Variants in CEP112 observed in about 807,000 individuals in gnomAD.
The protein encoded by CEP112 is centrosomal protein 112, also known as centrosomal protein of 112 kDa.
Under a neutral mutation model 153.0 loss-of-function variants are expected in CEP112, and 127 were observed. That is an observed-to-expected ratio of 0.83 (90% CI 0.72 to 0.96). The LOEUF is 0.96. CEP112 is among the 40% of genes least tolerant of loss of function. CEP112 has a pLI of 0.00. For synonymous variants in CEP112, 358 were observed against 374.4 expected (o/e 0.96, Z 0.51); for missense variants, 1,089 against 1,101.2 (o/e 0.99, Z 0.16).
intron 21 of CEP112, among the ~76,000 whole-genome samples, chr17:65,826,887 G>A (rs902839929): frequency 6.6e-6 from 1 of 152,144 alleles, no homozygotes; most frequent in African/African-American, 2.4e-5. Flanking sequence ...TGTCTGTGAG[G>A]GTGTTGGCAA....
At chr17:65,826,748 T>A (rs896641276) in intron 21 of CEP112, among the ~76,000 whole-genome samples, 2 of 152,194 alleles carry the variant, frequency 1.3e-5, no homozygotes, top group Admixed American at 1.3e-4. Context: ...AATTCAAAAT[T>A]CACATATCCC....
chr17:65,865,757 G>T (rs1489421239), intron 20 of CEP112, among the ~76,000 whole-genome samples: 1 of 152,232 alleles, frequency 6.6e-6, no homozygotes, highest in Non-Finnish European at 1.5e-5. Context: ...CAGAGAGAAG[G>T]TGTGCAGTGT....
At position 66,132,732 on chromosome 17, in the gene CEP112, TCACTCGGAGCTTCC is replaced by T; in HGVS notation, c.488_501del (p.Gly163GlufsTer22). On this transcript the variant is annotated frameshift_variant, in exon 5 of 27. Transcript: ENST00000535342. LOFTEE classifies it high-confidence loss of function. ...TGAGTTGGACTCAAGGAGTGTGATC[TCACTCGGAGCTTCC>T]CAGTGTACTGTTCCCTGCTAAGAGA... 6.2e-7 allele frequency: 1 copy of T among 1,613,918 alleles called. No homozygotes were observed. The highest frequency in any genetic ancestry group is 8.5e-7 in the Non-Finnish European group (1 of 1,179,770).
intron 21 of CEP112, among the ~76,000 whole-genome samples, chr17:65,823,371 T>C (rs142986451): frequency 2.5e-3 from 384 of 152,284 alleles, no homozygotes; most frequent in African/African-American, 8.7e-3. Context: ...AGTCCACTAG[T>C]AGGCCACATA....
intron 18 of CEP112, among the ~76,000 whole-genome samples, chr17:65,938,751 T>A (rs2061426821): frequency 6.6e-6 from 1 of 151,884 alleles, no homozygotes; most frequent in Admixed American, 6.6e-5. Context: ...TTCAGCAGAG[T>A]TGAATAAAAT....
chr17:66,172,502 C>A (rs995288541), intron 4 of CEP112, among the ~76,000 whole-genome samples: 1 of 152,150 alleles, frequency 6.6e-6, no homozygotes, highest in Non-Finnish European at 1.5e-5. Context: ...CATTAAAACA[C>A]CTTTAATAAT....
chr17:65,836,666 T>G (rs1207621757), intron 21 of CEP112, among the ~76,000 whole-genome samples: 2 of 152,214 alleles, frequency 1.3e-5, no homozygotes, highest in African/African-American at 4.8e-5. Flanking sequence ...AGAGACTGAC[T>G]GCAATGCAAT....
chr17:66,107,360 T>C (rs1171872820), intron 6 of CEP112, among the ~76,000 whole-genome samples: 1 of 152,122 alleles, frequency 6.6e-6, no homozygotes, highest in African/African-American at 2.4e-5. Context: ...ATTATGCTTG[T>C]CTGCAGATTA....
At chr17:65,969,928 C>A (rs1339579735) in intron 17 of CEP112, among the ~76,000 whole-genome samples, 1 of 152,070 alleles carries the variant, frequency 6.6e-6, no homozygotes, top group Non-Finnish European at 1.5e-5. Context: ...ATATCACATG[C>A]GCTACAGGCA....
intron 4 of CEP112, among the ~76,000 whole-genome samples, chr17:66,159,746 T>C (rs1483746383): frequency 1.3e-5 from 2 of 152,134 alleles, no homozygotes; most frequent in Non-Finnish European, 1.5e-5. Flanking sequence ...GCTAATATCA[T>C]ACTGAAAGGG....
At chr17:65,754,631 T>C (rs1275611750) in intron 21 of CEP112, among the ~76,000 whole-genome samples, 1 of 151,882 alleles carries the variant, frequency 6.6e-6, no homozygotes, top group East Asian at 1.9e-4. Flanking sequence ...TAAAATAAGA[T>C]AAAATAAAAT....
intron 16 of CEP112, among the ~76,000 whole-genome samples, chr17:66,015,830 G>A (rs2064747841): frequency 1.3e-5 from 2 of 152,002 alleles, no homozygotes; most frequent in African/African-American, 4.8e-5. Flanking sequence ...AGTTATTTTT[G>A]TGTTATTTTA....
chr17:66,125,746 A>C (rs2069816513), intron 6 of CEP112, among the ~76,000 whole-genome samples: 1 of 152,088 alleles, frequency 6.6e-6, no homozygotes, highest in South Asian at 2.1e-4. Context: ...AAAAGAAAAG[A>C]AAAAAAAGAA....
At chr17:65,985,109 A>G (rs2063357425) in intron 17 of CEP112, among the ~76,000 whole-genome samples, 1 of 152,170 alleles carries the variant, frequency 6.6e-6, no homozygotes, top group South Asian at 2.1e-4. Context: ...CCTGAATATA[A>G]AAGCAAAGAA....
chr17:66,026,065 C>T (rs979454361), intron 16 of CEP112, among the ~76,000 whole-genome samples: 3 of 151,828 alleles, frequency 2.0e-5, no homozygotes, highest in Non-Finnish European at 4.4e-5. Context: ...TAAGTGGAAG[C>T]TATATAATGG....
chr17:66,153,468 C>CAA (rs11303537), intron 4 of CEP112, among the ~76,000 whole-genome samples: 9,460 of 123,486 alleles, frequency 0.077, 456 homozygotes, highest in Non-Finnish European at 0.12. Flanking sequence ...TAGAAAAGGC[C>CAA]AAAAAAAAAA....
At chr17:65,981,397 T>C (rs890424132) in intron 17 of CEP112, among the ~76,000 whole-genome samples, 1 of 152,200 alleles carries the variant, frequency 6.6e-6, no homozygotes, top group African/African-American at 2.4e-5. Context: ...ATAGCCAACA[T>C]ATCTATGAGA....
chr17:66,084,753 C>G (rs924375698), intron 8 of CEP112, among the ~76,000 whole-genome samples: 1 of 151,628 alleles, frequency 6.6e-6, no homozygotes, highest in African/African-American at 2.4e-5. Flanking sequence ...TTTGCTGGAA[C>G]AATAAGGTGA....
chr17:66,013,083 T>C (rs1039984851), intron 16 of CEP112, among the ~76,000 whole-genome samples: 5 of 151,848 alleles, frequency 3.3e-5, no homozygotes, highest in African/African-American at 1.2e-4. Context: ...TAAGTTTGGT[T>C]CTTCGTTAAA....
Sources: gnomAD v4.1 joint callset for allele counts (sites outside exome capture counted in the v4.1 genomes callset) on GRCh38, gnomAD v4.1.1 for gene constraint, MANE v1.5 for transcripts, NCBI Gene and HGNC (gene_info 2026-07-23, HGNC 2026-07-21) for gene names.